NLGN1: variants seen among roughly 807,000 people sequenced by gnomAD.
NLGN1 encodes neuroligin 1.
A neutral mutation model predicts 65.5 loss-of-function variants in NLGN1; 12 were observed. That is an observed-to-expected ratio of 0.18 (90% CI 0.12 to 0.30). NLGN1 has a LOEUF of 0.30. Ranked by LOEUF, NLGN1 falls within the 10% of genes least tolerant of loss-of-function variation. The probability of loss-of-function intolerance (pLI) is 1.00; values close to 1 mark genes in which losing one functional copy is unlikely to be tolerated. For missense variants in NLGN1, 750 were observed against 1,007.1 expected (o/e 0.74, Z 3.46); for synonymous variants, 350 against 359.5 (o/e 0.97, Z 0.30).
At chr3:174,212,166 G>A (rs1736764127) in intron 4 of NLGN1, among the ~76,000 whole-genome samples, 1 of 152,194 alleles carries the variant, frequency 6.6e-6, no homozygotes, top group Non-Finnish European at 1.5e-5. Flanking sequence ...GCGCCGGTGG[G>A]CCGGCACTGC....
intron 4 of NLGN1, among the ~76,000 whole-genome samples, chr3:174,028,433 T>TA (rs1177060419): frequency 3.9e-5 from 6 of 152,242 alleles, no homozygotes; most frequent in Non-Finnish European, 8.8e-5. Flanking sequence ...TGACTCTTGC[T>TA]ATGTTTTAAC....
chr3:173,639,706 G>C (rs763405971), intron 3 of NLGN1, among the ~76,000 whole-genome samples: 6 of 152,184 alleles, frequency 3.9e-5, no homozygotes, highest in Non-Finnish European at 8.8e-5. Context: ...AGCCAAGACT[G>C]ATGCTGGAAT....
At chr3:174,188,470 A>G (rs1193790151) in intron 4 of NLGN1, among the ~76,000 whole-genome samples, 3 of 152,010 alleles carry the variant, frequency 2.0e-5, no homozygotes, top group African/African-American at 7.2e-5. Flanking sequence ...TAGTCCTCAC[A>G]ATAATCCTAC....
chr3:173,853,729 T>C lies in NLGN1; in HGVS notation c.646+45897T>C, dbSNP rs76187811. Among the ~76,000 whole-genome samples the C allele has an allele frequency of 1.1e-3, 161 of 152,168 alleles. 3 individuals are homozygous for C. In the East Asian group the frequency reaches 0.029, roughly 27 times the overall value. ...TAGAAGTTTGCTTTATTTAAAAATA[T>C]TGACTATGTATAAGCTTCACATTTT... On this transcript the variant is annotated intron_variant, in intron 4 of 6. Coordinates refer to ENST00000457714, the Ensembl canonical transcript of NLGN1.
intron 4 of NLGN1, among the ~76,000 whole-genome samples, chr3:173,985,440 G>C (rs1719678699): frequency 6.6e-6 from 1 of 152,094 alleles, no homozygotes; most frequent in African/African-American, 2.4e-5. Context: ...CTTGGTAGCA[G>C]GAACCCATTC....
downstream of NLGN1, among the ~76,000 whole-genome samples, chr3:174,290,379 T>A (rs1752633977): frequency 6.6e-6 from 1 of 150,750 alleles, no homozygotes; most frequent in Admixed American, 6.6e-5. Context: ...AAAAGAGAGA[T>A]GCCTCAGCTA....
At chr3:173,539,741 T>G (rs62292666) in intron 2 of NLGN1, among the ~76,000 whole-genome samples, 62,968 of 129,128 alleles carry the variant, frequency 0.49, 15,524 homozygotes, top group East Asian at 0.78. Context: ...TATACATATA[T>G]GTACATATAT....
intron 2 of NLGN1, among the ~76,000 whole-genome samples, chr3:173,560,535 T>G (rs1399468578): frequency 1.3e-5 from 2 of 150,690 alleles, no homozygotes; most frequent in Non-Finnish European, 3.0e-5. Flanking sequence ...TTTTTTTTTT[T>G]TATTATTCTA....
chr3:173,627,730 T>C (rs2149527261), intron 3 of NLGN1, among the ~76,000 whole-genome samples: 1 of 152,248 alleles, frequency 6.6e-6, no homozygotes, highest in Non-Finnish European at 1.5e-5. Context: ...CCTAGTTCTG[T>C]GCTTGTTTGT....
chr3:173,755,759 T>A (rs1777006827), intron 3 of NLGN1, among the ~76,000 whole-genome samples: 1 of 152,112 alleles, frequency 6.6e-6, no homozygotes, highest in Admixed American at 6.6e-5. Flanking sequence ...ACATTTTGTG[T>A]TCCTCTAGCA....
intron 4 of NLGN1, among the ~76,000 whole-genome samples, chr3:174,055,920 T>C (rs1401751343): frequency 1.3e-5 from 2 of 151,950 alleles, no homozygotes; most frequent in African/African-American, 4.8e-5. Context: ...TTTTTTTTGC[T>C]ACTTTTACAA....
intron 3 of NLGN1, among the ~76,000 whole-genome samples, chr3:173,785,916 T>A (rs1298103888): frequency 6.6e-6 from 1 of 152,208 alleles, no homozygotes. Context: ...TTTATACATA[T>A]ATGTACAACT....
At chr3:173,408,584 G>C (rs886515923) in intron 1 of NLGN1, among the ~76,000 whole-genome samples, 1 of 152,162 alleles carries the variant, frequency 6.6e-6, no homozygotes, top group African/African-American at 2.4e-5. Flanking sequence ...GTTTTCTATA[G>C]AACTGCGTAA....
chr3:173,499,748 T>G (rs922866838), intron 2 of NLGN1, among the ~76,000 whole-genome samples: 1 of 151,908 alleles, frequency 6.6e-6, no homozygotes, highest in African/African-American at 2.4e-5. Context: ...TGGTTTGTAG[T>G]TCTCCTTGAA....
At chr3:173,510,461 C>G (rs1407350085) in intron 2 of NLGN1, among the ~76,000 whole-genome samples, 1 of 152,184 alleles carries the variant, frequency 6.6e-6, no homozygotes, top group Non-Finnish European at 1.5e-5. Context: ...GAATTTGGCT[C>G]TGCAGTGAAA....
intron 4 of NLGN1, among the ~76,000 whole-genome samples, chr3:173,943,602 T>G (rs1746548751): frequency 6.6e-6 from 1 of 152,240 alleles, no homozygotes; most frequent in African/African-American, 2.4e-5. Context: ...GCTCTAAGAC[T>G]TGATAATGAA....
intron 4 of NLGN1, among the ~76,000 whole-genome samples, chr3:173,883,814 C>CTTTTT (rs74363696): frequency 5.4e-4 from 52 of 96,408 alleles, no homozygotes; most frequent in East Asian, 8.5e-4. Flanking sequence ...GGGAAACTTT[C>CTTTTT]TTTTTTTTTT....
rs1383445816 is a variant in NLGN1, at chr3:173,966,711, CAAAGTTGA to C, written c.646+158881_646+158888del. 2.0e-5 allele frequency among the ~76,000 whole-genome samples: 3 copies of C among 152,174 alleles called. No individual in the cohort carries two copies. The East Asian group carries it at 5.8e-4, about 29-fold the overall frequency. On this transcript the variant is annotated intron_variant, in intron 4 of 6. Coordinates refer to ENST00000457714, the Ensembl canonical transcript of NLGN1. Reference sequence around the variant, plus strand: ...GATAGTCTGACATATTTAGAAATACCAAAGTTGAATAAAGCATAATATAAAAATAGACA... The same window carrying C: ...GATAGTCTGACATATTTAGAAATACCATAAAGCATAATATAAAAATAGACA...
chr3:173,817,808 G>A (rs1311254886), intron 4 of NLGN1, among the ~76,000 whole-genome samples: 1 of 152,030 alleles, frequency 6.6e-6, no homozygotes, highest in Non-Finnish European at 1.5e-5. Context: ...GTCCTAAAAA[G>A]GATATCTTAT....
Sources: gnomAD v4.1 joint callset for allele counts (sites outside exome capture counted in the v4.1 genomes callset) on GRCh38, gnomAD v4.1.1 for gene constraint, MANE v1.5 for transcripts, NCBI Gene and HGNC (gene_info 2026-07-23, HGNC 2026-07-21) for gene names.